Variants in CCT3 observed in about 807,000 individuals in gnomAD.
CCT3 encodes T-complex protein 1 subunit gamma.
Under a neutral mutation model 65.3 loss-of-function variants are expected in CCT3, and 10 were observed. The ratio of observed to expected loss-of-function variants is 0.15; its 90% CI spans 0.09 to 0.26. CCT3 has a LOEUF of 0.26. CCT3 is among the 10% of genes least tolerant of loss of function. The pLI, the probability that CCT3 is intolerant of heterozygous loss-of-function variation, is 1.00. For synonymous variants in CCT3, 225 were observed against 242.3 expected (o/e 0.93, Z 0.66); for missense variants, 626 against 708.7 (o/e 0.88, Z 1.33).
chr1:156,316,963 G>C (rs1430693622), intron 10 of CCT3, among the ~76,000 whole-genome samples: 7 of 152,176 alleles, frequency 4.6e-5, no homozygotes, highest in Non-Finnish European at 8.8e-5. Flanking sequence ...CTCACTAATG[G>C]TTAGGGGCAG....
intron 13 of CCT3, 94 bp downstream of exon 13, chr1:156,310,464 A>C: frequency 1.0e-6 from 1 of 975,584 alleles, no homozygotes; most frequent in South Asian, 2.3e-5. Flanking sequence ...ACTGCACTCC[A>C]GCCTGGGTGA....
intron 5 of CCT3, among the ~76,000 whole-genome samples, chr1:156,326,564 C>T (rs991999400): frequency 2.7e-4 from 40 of 147,120 alleles, no homozygotes; most frequent in African/African-American, 9.6e-4. Flanking sequence ...GCAGGAGAAT[C>T]GCTTGAACCA....
At chr1:156,310,431 T>C (rs911887771) in intron 13 of CCT3, 127 bp downstream of exon 13, 3 of 553,892 alleles carry the variant, frequency 5.4e-6, no homozygotes, top group South Asian at 4.0e-5. Context: ...GAGGCGGAGA[T>C]TGCAGTGAGC....
intron 13 of CCT3, among the ~76,000 whole-genome samples, chr1:156,310,269 G>T (rs1429450399): frequency 6.6e-6 from 1 of 151,398 alleles, no homozygotes; most frequent in South Asian, 2.1e-4. Context: ...AAGGTGGGTA[G>T]ATCATCTGAG....
intron 5 of CCT3, among the ~76,000 whole-genome samples, chr1:156,325,657 A>C (rs1664770494): frequency 6.7e-6 from 1 of 150,224 alleles, no homozygotes; most frequent in South Asian, 2.1e-4. Context: ...TGCTCACTGC[A>C]ACCTCCGCCT....
At chr1:156,336,557 T>C (rs12146134) in intron 1 of CCT3, among the ~76,000 whole-genome samples, 661 of 152,272 alleles carry the variant, frequency 4.3e-3, no homozygotes, top group Non-Finnish European at 7.6e-3. Context: ...CAGTAACCCA[T>C]TTACCATCAC....
At chr1:156,329,450 C>G (rs1035497260) in intron 5 of CCT3, among the ~76,000 whole-genome samples, 1 of 151,798 alleles carries the variant, frequency 6.6e-6, no homozygotes, top group African/African-American at 2.4e-5. Flanking sequence ...GGACTACAGG[C>G]ACGCGCCACC....
intron 6 of CCT3, among the ~76,000 whole-genome samples, chr1:156,323,011 A>G (rs778288562): frequency 2.3e-4 from 35 of 151,872 alleles, no homozygotes; most frequent in Non-Finnish European, 4.7e-4. Flanking sequence ...CTTGTTTAAG[A>G]GCAGGCAGTA....
At chr1:156,327,497 T>C (rs60724735) in intron 5 of CCT3, among the ~76,000 whole-genome samples, 34,957 of 151,910 alleles carry the variant, frequency 0.23, 4,615 homozygotes, top group Non-Finnish European at 0.29. Context: ...TTCGCTGTGT[T>C]GGCCGGGCTG....
chr1:156,318,834 C>T, intron 8 of CCT3, 34 bp downstream of exon 8: 1 of 1,592,246 alleles, frequency 6.3e-7, no homozygotes, highest in Non-Finnish European at 8.6e-7. Flanking sequence ...CAGATTCTTG[C>T]ATCTACTTTA....
At chr1:156,311,695 C>A (rs1398776298) in intron 11 of CCT3, among the ~76,000 whole-genome samples, 1 of 151,960 alleles carries the variant, frequency 6.6e-6, no homozygotes, top group Non-Finnish European at 1.5e-5. Flanking sequence ...AATAAGAAAA[C>A]AGTTGTTGCT....
chr1:156,334,928 AG>A lies in CCT3; in HGVS notation c.94-11del. The A allele has an allele frequency of 6.2e-7, 1 of 1,613,688 alleles. No individual in the cohort carries two copies. The highest frequency in any genetic ancestry group is 8.5e-7 in the Non-Finnish European group (1 of 1,179,664). On this transcript the variant is annotated splice_polypyrimidine_tract_variant and intron_variant, in intron 2 of 13. Coordinates refer to ENST00000295688, the MANE Select transcript of CCT3 (RefSeq NM_005998.5). ...TGATATCTGCAATAGTCTAATGGAA[AG>A]GGAACATAAAATACGCAAGCACAAA...
chr1:156,312,125 A>G lies in CCT3; in HGVS notation c.1071T>C (p.Asp357=). 6.2e-7 allele frequency: 1 copy of G among 1,613,798 alleles called. No homozygotes were observed. Among genetic ancestry groups the G allele is most frequent in the Non-Finnish European group, 8.5e-7 (1 of 1,179,970 alleles). The change falls in exon 11 of 14, where the codon GAT becomes GAC. Residue 357 remains aspartate (D), a synonymous_variant. Coordinates refer to ENST00000295688, the MANE Select transcript of CCT3 (RefSeq NM_005998.5). ...AGLLEIKKIG[D]EYFTFITDCK... ...AGTCAGTGATGAAAGTAAAGTATTC[A>G]TCTCCAATTTTCTTGATTTCCAACA...
intron 13 of CCT3, 41 bp downstream of exon 13, chr1:156,310,517 A>C: frequency 7.0e-7 from 1 of 1,420,100 alleles, no homozygotes; most frequent in East Asian, 2.6e-5. Context: ...TAAATAAATA[A>C]ATTAATTAAA....
chr1:156,332,820 T>C (rs1019410309), intron 5 of CCT3: 1 of 152,284 alleles, frequency 6.6e-6, no homozygotes, highest in Non-Finnish European at 1.5e-5. Flanking sequence ...ATGAGTTATA[T>C]TGCTATGGGC....
Position 156,318,896 on chromosome 1 carries a change from G to A in CCT3, c.731C>T (p.Ser244Phe), listed in dbSNP as rs1305854427. 6.2e-7 allele frequency: 1 copy of A among 1,613,996 alleles called. No homozygotes were observed. ...KNPRIVLLDS[S>F]LEYKKGESQT... The stretch of plus-strand genomic sequence containing the variant: ...GCTTTCTCCTTTCTTGTATTCCAGA[G>A]AAGAATCCAGCAGCACAATGCGAGG... Residue 244 changes from serine (S) to phenylalanine (F), a missense_variant, in exon 8 of 14, where the codon TCT becomes TTT. Physicochemically the swap from Ser to Phe is radical, Grantham distance 155 (BLOSUM62 -2). Coordinates refer to ENST00000295688, the MANE Select transcript of CCT3 (RefSeq NM_005998.5).
chr1:156,320,865 T>G lies in CCT3; in HGVS notation c.583A>C (p.Ile195Leu). 1 of 1,611,286 alleles carries G rather than the reference T, an allele frequency of 6.2e-7. No individual in the cohort carries two copies. The highest frequency in any genetic ancestry group is 1.1e-5 in the South Asian group (1 of 90,824). Residue 195 changes from isoleucine (I) to leucine (L), a missense_variant, in exon 7 of 14, where the codon ATA becomes CTA. Coordinates refer to ENST00000295688, the MANE Select transcript of CCT3 (RefSeq NM_005998.5). ...TTTTCCACTCTTGCATATTTTTTTA[T>G]GTCAATCTCTTTCCGACCATTCTCC... ...FEENGRKEID[I>L]KKYARVEKIP... is the part of the protein sequence containing the mutation.
At position 156,320,832 on chromosome 1, in the gene CCT3, A is replaced by T; in HGVS notation, c.609+7T>A. ...TTTGACCCAATGTATACACTTTGAA[A>T]GTTTACCTTTTCCACTCTTGCATAT... On this transcript the variant is annotated splice_region_variant and intron_variant, in intron 7 of 13. Transcript: ENST00000295688. 1 of 1,590,734 alleles carries T rather than the reference A, an allele frequency of 6.3e-7. No individual in the cohort carries two copies. The highest frequency in any genetic ancestry group is 2.2e-5 in the East Asian group (1 of 44,580).
chr1:156,333,957 G>C (rs1665220537), intron 4 of CCT3, among the ~76,000 whole-genome samples: 1 of 152,208 alleles, frequency 6.6e-6, no homozygotes, highest in African/African-American at 2.4e-5. Flanking sequence ...GTTGAAGCCA[G>C]CTGGGCATGG....
Sources: gnomAD v4.1 joint callset for allele counts (sites outside exome capture counted in the v4.1 genomes callset) on GRCh38, gnomAD v4.1.1 for gene constraint, MANE v1.5 for transcripts, NCBI Gene and HGNC (gene_info 2026-07-23, HGNC 2026-07-21) for gene names.